Variants in DNM3 observed in about 807,000 individuals in gnomAD.
DNM3 encodes dynamin 3.
In DNM3, 47 loss-of-function variants were observed where a neutral mutation model predicts 101.6. The ratio of observed to expected loss-of-function variants is 0.46; its 90% CI spans 0.37 to 0.59. The LOEUF (loss-of-function observed/expected upper bound fraction) is 0.59. Ranked by LOEUF, DNM3 falls within the 20% of genes least tolerant of loss-of-function variation. DNM3 has a pLI of 0.00. For missense variants in DNM3, 849 were observed against 1,085.7 expected, an observed-to-expected ratio of 0.78 and a Z score of 3.06; for synonymous variants, 385 against 387.9, an observed-to-expected ratio of 0.99 and a Z score of 0.09.
chr1:171,883,153 A>G (rs968708029), intron 1 of DNM3, among the ~76,000 whole-genome samples: 2 of 151,702 alleles, frequency 1.3e-5, no homozygotes, highest in East Asian at 2.0e-4. Context: ...TTACAGTTAC[A>G]CTATCATTTA....
rs61620821 is a variant in DNM3, at chr1:172,027,585, AACAC to A, written c.590-4787_590-4784del. ...GACAGAGCAAGACTCTGTCTCAAGAAACACACACACACACACACACACACACACA... is the reference window on the plus strand; with the variant it reads ...GACAGAGCAAGACTCTGTCTCAAGAAACACACACACACACACACACACACA... On this transcript the variant is annotated intron_variant, in intron 4 of 20. Coordinates refer to ENST00000627582, the MANE Select transcript of DNM3 (RefSeq NM_015569.5). 2.8e-3 allele frequency among the ~76,000 whole-genome samples: 391 copies of A among 141,484 alleles called. 2 individuals carry two copies. The highest frequency in any genetic ancestry group is 8.9e-3 in the African/African-American group (342 of 38,296). The allele number at this position is 141,484 out of a possible 152,430, so 92.8% of individuals were successfully genotyped here.
chr1:172,033,021 T>C, intron 5 of DNM3, 84 bp from the exon 6 acceptor site: 1 of 1,486,784 alleles, frequency 6.7e-7, no homozygotes, highest in South Asian at 1.4e-5. Context: ...CCTTTCTTAC[T>C]CTGCCTATGT....
intron 20 of DNM3, among the ~76,000 whole-genome samples, chr1:172,403,819 C>CA (rs2070690209): frequency 6.6e-6 from 1 of 152,114 alleles, no homozygotes; most frequent in Admixed American, 6.5e-5. Flanking sequence ...CATTACTAAA[C>CA]AAAGCAACTG....
intron 2 of DNM3, among the ~76,000 whole-genome samples, chr1:171,927,089 A>T (rs1022097605): frequency 6.6e-6 from 1 of 152,226 alleles, no homozygotes; most frequent in East Asian, 1.9e-4. Context: ...TCTACCCTGG[A>T]AAGGAAGATG....
In DNM3 at chr1:172,033,194, C is replaced by T. The variant is rs1205967948; in HGVS notation, c.778C>T (p.Leu260Phe). ...AAMLAERKFF[L>F]SHPAYRHIAD... Reference sequence around the variant, plus strand: ...CATGCTGGCAGAGAGGAAGTTTTTCCTTTCCCACCCGGCTTACAGACATAT... The same window carrying T: ...CATGCTGGCAGAGAGGAAGTTTTTCTTTTCCCACCCGGCTTACAGACATAT... Residue 260 changes from leucine (L) to phenylalanine (F), a missense_variant, in exon 6 of 21, where the codon CTT (leucine) becomes TTT (phenylalanine). Leu to Phe is a conservative substitution (Grantham distance 22). Transcript: ENST00000627582. 1 of 1,609,546 alleles carries T rather than the reference C, an allele frequency of 6.2e-7. No individual in the cohort carries two copies. The highest frequency in any genetic ancestry group is 8.5e-7 in the Non-Finnish European group (1 of 1,177,966).
chr1:171,983,587 G>A (rs2045002776), intron 2 of DNM3, among the ~76,000 whole-genome samples: 2 of 151,982 alleles, frequency 1.3e-5, no homozygotes, highest in African/African-American at 2.4e-5. Flanking sequence ...AAAACCCAGG[G>A]CCTGGTACTC....
In DNM3 at chr1:172,044,305, G is replaced by C. The variant is rs2049608730; in HGVS notation, c.1129-80G>C. Reference sequence around the variant, plus strand: ...ATCCACTTATTAATAATGAAGTCAAGTTATTCTCATTCTGTAATGTTCAAC... The same window carrying C: ...ATCCACTTATTAATAATGAAGTCAACTTATTCTCATTCTGTAATGTTCAAC... On this transcript the variant is annotated intron_variant, in intron 8 of 20. Coordinates refer to ENST00000627582, the MANE Select transcript of DNM3 (RefSeq NM_015569.5). 3 of 1,230,386 alleles carry C rather than the reference G, an allele frequency of 2.4e-6. 1 individual carries two copies. The South Asian group carries it at 4.4e-5, about 18-fold the overall frequency. The allele number at this position is 1,230,386 out of a possible 1,614,324, so 76.2% of individuals were successfully genotyped here.
chr1:171,842,568 T>A (rs191779406), intron 1 of DNM3, among the ~76,000 whole-genome samples: 6 of 152,166 alleles, frequency 3.9e-5, no homozygotes, highest in Admixed American at 3.9e-4. Context: ...CGTGGACTTA[T>A]GTTGTCCAGG....
At chr1:172,039,460 T>C (rs1056200786) in intron 7 of DNM3, among the ~76,000 whole-genome samples, 2 of 137,632 alleles carry the variant, frequency 1.5e-5, no homozygotes. Flanking sequence ...AAGGAAAGAG[T>C]TTTTTTTTTT....
chr1:172,051,326 C>T (rs1366375216), intron 10 of DNM3, among the ~76,000 whole-genome samples: 1 of 152,154 alleles, frequency 6.6e-6, no homozygotes, highest in Admixed American at 6.6e-5. Flanking sequence ...TTCCAGGTCA[C>T]TCCCTTGCAT....
At chr1:172,257,327 C>T (rs535624840) in intron 15 of DNM3, among the ~76,000 whole-genome samples, 6 of 152,156 alleles carry the variant, frequency 3.9e-5, no homozygotes, top group African/African-American at 1.4e-4. Flanking sequence ...AATAAAAACT[C>T]ACAAAGAATC....
chr1:172,350,549 G>A (rs1169921761), intron 17 of DNM3, among the ~76,000 whole-genome samples: 6 of 152,098 alleles, frequency 3.9e-5, no homozygotes, highest in Admixed American at 6.6e-5. Flanking sequence ...AGGAGAAAAC[G>A]TAACGTAAAA....
intron 4 of DNM3, among the ~76,000 whole-genome samples, chr1:172,021,437 C>T (rs559085715): frequency 6.6e-6 from 1 of 152,048 alleles, no homozygotes; most frequent in South Asian, 2.1e-4. Flanking sequence ...AGCCTGGCAA[C>T]AGAGTGAAAC....
chr1:172,413,656 A>T (rs2149141993), downstream of DNM3, among the ~76,000 whole-genome samples: 1 of 152,366 alleles, frequency 6.6e-6, no homozygotes, highest in African/African-American at 2.4e-5. Context: ...GTCCCTTATC[A>T]ATTGACATAT....
chr1:171,939,384 T>A (rs1998174), intron 2 of DNM3, among the ~76,000 whole-genome samples: 96,333 of 151,976 alleles, frequency 0.63, 30,663 homozygotes, highest in Middle Eastern at 0.69. Context: ...TGAATTGGTG[T>A]TTATTTGTTC....
intron 7 of DNM3, among the ~76,000 whole-genome samples, chr1:172,039,607 C>T (rs1176579535): frequency 6.6e-6 from 1 of 152,028 alleles, no homozygotes; most frequent in African/African-American, 2.4e-5. Context: ...CCAACTAAAA[C>T]TATTCTGCTT....
At chr1:172,383,680 G>A (rs527969424) in intron 18 of DNM3, among the ~76,000 whole-genome samples, 2 of 152,282 alleles carry the variant, frequency 1.3e-5, no homozygotes, top group East Asian at 3.9e-4. Flanking sequence ...CTCAGTCATA[G>A]AAAAGAAGGT....
At chr1:172,258,668 T>C (rs1308459618) in intron 15 of DNM3, among the ~76,000 whole-genome samples, 1 of 152,066 alleles carries the variant, frequency 6.6e-6, no homozygotes. Context: ...GATTGTCTTA[T>C]TGATTTTATT....
chr1:171,872,789 G>GT (rs1332321658), intron 1 of DNM3, among the ~76,000 whole-genome samples: 3 of 150,368 alleles, frequency 2.0e-5, no homozygotes, highest in South Asian at 2.1e-4. Flanking sequence ...AGAAATGTTT[G>GT]TTTTTTTTTA....
Sources: allele counts gnomAD v4.1 joint callset (sites outside exome capture counted in the v4.1 genomes callset), GRCh38; gene constraint gnomAD v4.1.1; transcripts MANE v1.5; gene names NCBI Gene and HGNC (gene_info 2026-07-23, HGNC 2026-07-21).